The following SIK2 variants were observed in gnomAD, a reference collection of about 807,000 sequenced individuals.
SIK2 encodes serine/threonine-protein kinase SIK2.
A neutral mutation model predicts 103.2 loss-of-function variants in SIK2; 29 were observed. The observed-to-expected ratio is 0.28, with a 90% CI of 0.21 to 0.38. SIK2 has a LOEUF of 0.38. Among genes scored for constraint, SIK2 ranks in the 10% least tolerant of loss-of-function variants. The probability of loss-of-function intolerance (pLI) is 1.00; values close to 1 mark genes in which losing one functional copy is unlikely to be tolerated. For synonymous variants in SIK2, 412 were observed against 446.1 expected (o/e 0.92, Z 0.96); for missense variants, 879 against 1,171.0 (o/e 0.75, Z 3.64).
chr11:111,644,238 G>A (rs1184080321), intron 3 of SIK2, among the ~76,000 whole-genome samples: 1 of 143,458 alleles, frequency 7.0e-6, no homozygotes, highest in African/African-American at 2.6e-5. Context: ...GTGGTGAGCC[G>A]AGATCACGCC....
intron 3 of SIK2, chr11:111,671,824 T>G (rs1158316251): frequency 2.4e-6 from 1 of 409,676 alleles, no homozygotes; most frequent in Non-Finnish European, 4.8e-6. Context: ...TTTCCTTCTC[T>G]GTATGCTTGT....
At chr11:111,629,018 A>G (rs1942003196) in intron 3 of SIK2, among the ~76,000 whole-genome samples, 1 of 152,158 alleles carries the variant, frequency 6.6e-6, no homozygotes, top group Non-Finnish European at 1.5e-5. Flanking sequence ...AGGAAGATAA[A>G]TCCAGCAGTG....
intron 3 of SIK2, among the ~76,000 whole-genome samples, chr11:111,628,416 A>ATCTTTTTCTTTCTTTCTTTCTT (rs1941989761): frequency 1.6e-5 from 2 of 125,574 alleles, no homozygotes; most frequent in Admixed American, 9.1e-5. Flanking sequence ...CCGCTTTCAT[A>ATCTTTTTCTTTCTTTCTTTCTT]TCTTTCTTTC....
In SIK2 at chr11:111,724,313, C is replaced by A; in HGVS notation, c.*184C>A. 1.2e-6 allele frequency: 1 copy of A among 852,680 alleles called. No homozygotes were observed. The highest frequency in any genetic ancestry group is 1.7e-6 in the Non-Finnish European group (1 of 571,678). The allele number at this position is 852,680 out of a possible 1,614,324, so 52.8% of individuals were successfully genotyped here. ...TTGCTTCCTCCTGGTTCTGCCCCAC[C>A]ACAAAGTTTTCTGTGGCAAGTGCTG... On this transcript the variant is annotated 3_prime_UTR_variant, in exon 15 of 15. Transcript: ENST00000304987.
Position 111,728,045 on chromosome 11 carries a change from GCAGT to G in SIK2, c.*3917_*3920del. 1 of 152,140 alleles carries G rather than the reference GCAGT, an allele frequency of 6.6e-6. No homozygotes were observed. The highest frequency in any genetic ancestry group is 2.4e-5 in the African/African-American group (1 of 41,426). The allele number at this position is 152,140 out of a possible 1,614,324, so 9.4% of individuals were successfully genotyped here. On this transcript the variant is annotated 3_prime_UTR_variant, in exon 15 of 15. Transcript: ENST00000304987. Reference sequence around the variant, plus strand: ...ATTCGACCTCCTATAGAGACAATATGCAGTGTGTCATTTCACAGTCTCAGTCCCT... The same window carrying G: ...ATTCGACCTCCTATAGAGACAATATGGTGTCATTTCACAGTCTCAGTCCCT...
intron 3 of SIK2, among the ~76,000 whole-genome samples, chr11:111,626,388 T>C (rs1941960754): frequency 6.6e-6 from 1 of 151,942 alleles, no homozygotes; most frequent in African/African-American, 2.4e-5. Context: ...TTTTTTTTTT[T>C]ACAAAACTAT....
intron 3 of SIK2, among the ~76,000 whole-genome samples, chr11:111,625,745 A>C (rs1446634547): frequency 1.3e-5 from 2 of 152,322 alleles, no homozygotes; most frequent in African/African-American, 4.8e-5. Flanking sequence ...AAATGAGAGA[A>C]GAAAAATGGA....
At chr11:111,709,717 TC>T in intron 8 of SIK2, among the ~76,000 whole-genome samples, 1 of 152,316 alleles carries the variant, frequency 6.6e-6, no homozygotes, top group African/African-American at 2.4e-5. Context: ...ACTCCTTTGG[TC>T]CCCTCAGTGA....
In SIK2 at chr11:111,723,958, T is replaced by G. The variant is rs746271291; in HGVS notation, c.2610T>G (p.Asp870Glu). The change falls in exon 15 of 15, where the codon GAT becomes GAG. Residue 870 changes from aspartate (D) to glutamate (E), a missense_variant. This residue lies in a region of SIK2 where 375 missense variants were observed against 416.3 expected (regional missense o/e 0.90). Coordinates refer to ENST00000304987, the MANE Select transcript of SIK2 (RefSeq NM_015191.3). ...CCACTCCCTGTCAGTATCCTGTGGATGGAGCCCAGCAGAGCGACCTAACGG... is the reference window on the plus strand; with the variant it reads ...CCACTCCCTGTCAGTATCCTGTGGAGGGAGCCCAGCAGAGCGACCTAACGG... ...DYPTPCQYPV[D>E]GAQQSDLTGP... 77 of 1,614,026 alleles carry G rather than the reference T, an allele frequency of 4.8e-5. No homozygotes were observed. The Middle Eastern group carries it at 6.6e-4, about 14-fold the overall frequency.
chr11:111,639,256 T>C (rs1942150168), intron 3 of SIK2, among the ~76,000 whole-genome samples: 1 of 149,880 alleles, frequency 6.7e-6, no homozygotes, highest in Non-Finnish European at 1.5e-5. Context: ...AAAGACTTAA[T>C]AGCAGATTTC....
chr11:111,619,495 C>T (rs1941853629), intron 2 of SIK2, among the ~76,000 whole-genome samples: 1 of 152,158 alleles, frequency 6.6e-6, no homozygotes, highest in Non-Finnish European at 1.5e-5. Context: ...AGGTGCACAC[C>T]ACCACACCTG....
In SIK2 at chr11:111,701,392, G is replaced by T; in HGVS notation, c.604-60G>T. On this transcript the variant is annotated intron_variant, in intron 5 of 14. Coordinates refer to ENST00000304987, the MANE Select transcript of SIK2 (RefSeq NM_015191.3). The surrounding 1 kb of genome is among the most constrained non-coding windows in gnomAD (Gnocchi z 4.2). Reference sequence around the variant, plus strand: ...TTTCAAGAGCCCTGGGGATGTTCAGGAAAACAAAGAGTGTTTGACGTTCTT... The same window carrying T: ...TTTCAAGAGCCCTGGGGATGTTCAGTAAAACAAAGAGTGTTTGACGTTCTT... The T allele has an allele frequency of 6.4e-7, 1 of 1,569,844 alleles. No homozygotes were observed.
intron 1 of SIK2, among the ~76,000 whole-genome samples, chr11:111,606,972 T>C (rs56152822): frequency 0.032 from 3,777 of 117,114 alleles, 67 homozygotes; most frequent in Non-Finnish European, 0.051. Context: ...AAAAAAAACT[T>C]ATAAATAAAT....
chr11:111,700,112 A>G (rs901201755), intron 4 of SIK2, among the ~76,000 whole-genome samples: 8 of 152,234 alleles, frequency 5.3e-5, no homozygotes, highest in African/African-American at 1.9e-4. Flanking sequence ...ATTTGTAACA[A>G]TACTTACTAA....
intron 8 of SIK2, among the ~76,000 whole-genome samples, chr11:111,710,847 A>G (rs1402385918): frequency 1.3e-5 from 2 of 152,138 alleles, no homozygotes; most frequent in African/African-American, 4.8e-5. Flanking sequence ...ATCTCATACC[A>G]TTTTGTCCCT....
chr11:111,666,882 C>T (rs1942549763), intron 3 of SIK2, among the ~76,000 whole-genome samples: 1 of 152,008 alleles, frequency 6.6e-6, no homozygotes, highest in Non-Finnish European at 1.5e-5. Flanking sequence ...GATAAATAGT[C>T]ATGACATATT....
chr11:111,706,817 G>A (rs373274566), intron 8 of SIK2, among the ~76,000 whole-genome samples: 7 of 151,818 alleles, frequency 4.6e-5, no homozygotes, highest in South Asian at 4.2e-4. Flanking sequence ...AAAATTAGCC[G>A]AGTGTGGCAG....
Position 111,701,425 on chromosome 11 carries a change from A to G in SIK2, c.604-27A>G. The G allele has an allele frequency of 6.2e-7, 1 of 1,602,502 alleles. No homozygotes were observed. Among genetic ancestry groups the G allele is most frequent in the Non-Finnish European group, 8.5e-7 (1 of 1,172,272 alleles). On this transcript the variant is annotated intron_variant, in intron 5 of 14. Coordinates refer to ENST00000304987, the MANE Select transcript of SIK2 (RefSeq NM_015191.3). This position sits in a 1 kb window ranked among gnomAD's most constrained non-coding sequence, Gnocchi z 4.2. ...AGAGTGTTTGACGTTCTTGGTAGAA[A>G]AGTCTCTGCATTGTTTTCTTCCCTA...
intron 3 of SIK2, among the ~76,000 whole-genome samples, chr11:111,640,381 A>C (rs912864883): frequency 1.3e-5 from 2 of 152,230 alleles, no homozygotes; most frequent in Non-Finnish European, 2.9e-5. Flanking sequence ...CTGCCTATGC[A>C]CAATCATTTT....
Sources: allele counts gnomAD v4.1 joint callset (sites outside exome capture counted in the v4.1 genomes callset), GRCh38; gene constraint gnomAD v4.1.1; regional missense constraint gnomAD v4.1.1; non-coding constraint Gnocchi (gnomAD v3.1); transcripts MANE v1.5; gene names NCBI Gene and HGNC (gene_info 2026-07-23, HGNC 2026-07-21).